Variants in HTR1F observed in about 807,000 individuals in gnomAD.
HTR1F encodes 5-hydroxytryptamine receptor 1F.
A neutral mutation model predicts 24.0 loss-of-function variants in HTR1F; 17 were observed. That is an observed-to-expected ratio of 0.71 (90% CI 0.48 to 1.06). The LOEUF (loss-of-function observed/expected upper bound fraction) is 1.06. Ranked by LOEUF, HTR1F falls within the 50% of genes least tolerant of loss-of-function variation. The pLI, the probability that HTR1F is intolerant of heterozygous loss-of-function variation, is 0.00. For synonymous variants in HTR1F, 186 were observed against 156.8 expected, an observed-to-expected ratio of 1.19 and a Z score of -1.39; for missense variants, 391 against 427.8, an observed-to-expected ratio of 0.91 and a Z score of 0.76.
intron 2 of HTR1F, among the ~76,000 whole-genome samples, chr3:87,976,473 G>A (rs1235263858): frequency 6.6e-6 from 1 of 151,850 alleles, no homozygotes; most frequent in African/African-American, 2.4e-5. Flanking sequence ...GTCAAGTCTG[G>A]GCAACATAGC....
At chr3:87,813,072 G>C (rs551297826) in intron 1 of HTR1F, among the ~76,000 whole-genome samples, 1 of 152,328 alleles carries the variant, frequency 6.6e-6, no homozygotes, top group East Asian at 1.9e-4. Context: ...CCCCCACACA[G>C]AGTCCCCATT....
chr3:87,829,738 C>T (rs144965842), intron 2 of HTR1F, among the ~76,000 whole-genome samples: 140 of 152,206 alleles, frequency 9.2e-4, no homozygotes, highest in African/African-American at 3.3e-3. Flanking sequence ...ATAGGTCTTC[C>T]TTTAGAAAAG....
intron 2 of HTR1F, among the ~76,000 whole-genome samples, chr3:87,892,295 G>T (rs1392796088): frequency 7.2e-5 from 11 of 152,130 alleles, no homozygotes. Context: ...GCAAAAGTTA[G>T]TTTAATTCTG....
rs1470581553 is a variant in HTR1F, at chr3:87,800,478, T to C, written c.-160+7636T>C. Among the ~76,000 whole-genome samples, 3 of 152,232 alleles carry C rather than the reference T, an allele frequency of 2.0e-5. No individual in the cohort carries two copies. In the East Asian group the frequency reaches 5.8e-4, roughly 29 times the overall value. On this transcript the variant is annotated intron_variant, in intron 1 of 2. Coordinates refer to ENST00000319595, the MANE Select transcript of HTR1F (RefSeq NM_001322209.2). ...GACTTCTTCCTTTGCTAAAAAGTAA[T>C]TCACTCCTCTAAAGTAGCTGTGATC...
chr3:87,802,111 C>T (rs1401265161), intron 1 of HTR1F, among the ~76,000 whole-genome samples: 1 of 110,858 alleles, frequency 9.0e-6, no homozygotes, highest in Non-Finnish European at 1.8e-5. Flanking sequence ...CCCTCCCTCC[C>T]TTCCTTTTCT....
intron 2 of HTR1F, among the ~76,000 whole-genome samples, chr3:87,898,707 G>A (rs545286211): frequency 7.9e-5 from 12 of 151,490 alleles, no homozygotes; most frequent in African/African-American, 2.9e-4. Context: ...TTTCTTAAGG[G>A]GTATTTGTTT....
At chr3:87,850,122 GATTATAA>G (rs1303152549) in intron 2 of HTR1F, among the ~76,000 whole-genome samples, 1 of 151,902 alleles carries the variant, frequency 6.6e-6, no homozygotes, top group African/African-American at 2.4e-5. Flanking sequence ...ATACCCAAAG[GATTATAA>G]ATCATGCTGC....
At chr3:87,946,403 T>C (rs1260968714) in intron 2 of HTR1F, among the ~76,000 whole-genome samples, 1 of 151,940 alleles carries the variant, frequency 6.6e-6, no homozygotes, top group African/African-American at 2.4e-5. Context: ...AAAAATATAA[T>C]CAAATAAAAG....
At chr3:87,868,957 T>C (rs1705485330) in intron 2 of HTR1F, among the ~76,000 whole-genome samples, 1 of 152,028 alleles carries the variant, frequency 6.6e-6, no homozygotes, top group African/African-American at 2.4e-5. Context: ...ATATAAGGAT[T>C]AACAATGTAA....
rs575972651 is a variant in HTR1F, at chr3:87,825,311, T to C, written c.-43+3187T>C. ...ACCGATAATGAGTTTTATAGCCCTT[T>C]ATATTGTAGTTTGCCTGAGCCTGAA... On this transcript the variant is annotated intron_variant, in intron 2 of 2. Transcript: ENST00000319595. Among the ~76,000 whole-genome samples the C allele has an allele frequency of 4.4e-4, 67 of 152,322 alleles. No homozygotes were observed. The South Asian group carries it at 0.013, about 29-fold the overall frequency.
chr3:87,898,802 T>A (rs1327378759), intron 2 of HTR1F, among the ~76,000 whole-genome samples: 2 of 152,118 alleles, frequency 1.3e-5, no homozygotes, highest in Non-Finnish European at 2.9e-5. Flanking sequence ...CTATAAGAAA[T>A]GTTGCTTATT....
At chr3:87,921,615 T>C (rs1704013295) in intron 2 of HTR1F, among the ~76,000 whole-genome samples, 1 of 151,922 alleles carries the variant, frequency 6.6e-6, no homozygotes, top group East Asian at 1.9e-4. Flanking sequence ...TATTTAAAAC[T>C]ATATAATAAG....
chr3:87,946,039 G>A (rs568325513), intron 2 of HTR1F, among the ~76,000 whole-genome samples: 12 of 152,314 alleles, frequency 7.9e-5, no homozygotes, highest in South Asian at 6.2e-4. Context: ...ATTAGAAGCC[G>A]TGGGTCACGG....
At chr3:87,912,858 AAT>A (rs1703810462) in intron 2 of HTR1F, among the ~76,000 whole-genome samples, 1 of 152,140 alleles carries the variant, frequency 6.6e-6, no homozygotes, top group Non-Finnish European at 1.5e-5. Context: ...CTATTCAATA[AAT>A]TGTGCTGGAA....
At chr3:87,913,912 C>A (rs1306902148) in intron 2 of HTR1F, among the ~76,000 whole-genome samples, 1 of 152,122 alleles carries the variant, frequency 6.6e-6, no homozygotes, top group Non-Finnish European at 1.5e-5. Flanking sequence ...GACAGAGCAG[C>A]ATGTGGAGGC....
chr3:87,961,565 C>A (rs566839267), intron 2 of HTR1F, among the ~76,000 whole-genome samples: 1 of 151,902 alleles, frequency 6.6e-6, no homozygotes, highest in Non-Finnish European at 1.5e-5. Context: ...AGCTTGAGAC[C>A]AGCCTGGGCA....
rs1429385455 is a variant in HTR1F at position 87,992,084 on chromosome 3, C to G, written c.*234C>G. The G allele has an allele frequency of 1.1e-5, 3 of 283,136 alleles. No homozygotes were observed. The East Asian group carries it at 2.1e-4, about 20-fold the overall frequency. 17.5% of individuals were successfully genotyped at this position (283,136 alleles called of 1,614,324 possible). ...TATGTAGGTTATAAACAATATTTTG[C>G]CTATGCAATGTTCCTAAAAAGCTAA... On this transcript the variant is annotated 3_prime_UTR_variant, in exon 3 of 3. Transcript: ENST00000319595.
chr3:87,819,889 G>T (rs1420714935), intron 1 of HTR1F, among the ~76,000 whole-genome samples: 2 of 151,842 alleles, frequency 1.3e-5, no homozygotes, highest in Admixed American at 6.6e-5. Context: ...AGTACAATGA[G>T]AAAAAAGTTA....
chr3:87,950,630 T>C (rs1704813139), intron 2 of HTR1F, among the ~76,000 whole-genome samples: 1 of 152,026 alleles, frequency 6.6e-6, no homozygotes. Flanking sequence ...ATAAAAAGAA[T>C]GATTATAATC....
Sources: gnomAD v4.1 joint callset for allele counts (sites outside exome capture counted in the v4.1 genomes callset) on GRCh38, gnomAD v4.1.1 for gene constraint, MANE v1.5 for transcripts, NCBI Gene and HGNC (gene_info 2026-07-23, HGNC 2026-07-21) for gene names.